Variants in RAPGEF4 observed in about 807,000 individuals in gnomAD.
RAPGEF4 encodes the protein Rap guanine nucleotide exchange factor 4.
In RAPGEF4, 66 loss-of-function variants were observed where a neutral mutation model predicts 147.9. The ratio of observed to expected loss-of-function variants is 0.45; its 90% CI spans 0.37 to 0.55. The LOEUF (loss-of-function observed/expected upper bound fraction) is 0.55, where lower values mean the gene tolerates loss of function less well. Ranked by LOEUF, RAPGEF4 falls within the 20% of genes least tolerant of loss-of-function variation. The probability of loss-of-function intolerance (pLI) is 0.00; values close to 1 mark genes in which losing one functional copy is unlikely to be tolerated. For missense variants in RAPGEF4, 1,071 were observed against 1,257.3 expected (o/e 0.85, Z 2.24); for synonymous variants, 419 against 442.7 (o/e 0.95, Z 0.67).
chr2:172,830,034 G>C (rs1690122115), intron 4 of RAPGEF4, among the ~76,000 whole-genome samples: 1 of 151,868 alleles, frequency 6.6e-6, no homozygotes, highest in Non-Finnish European at 1.5e-5. Context: ...CATATTATCA[G>C]CTTTCATTCT....
intron 8 of RAPGEF4, among the ~76,000 whole-genome samples, chr2:172,964,556 A>T (rs1689636774): frequency 6.6e-6 from 1 of 152,044 alleles, no homozygotes; most frequent in African/African-American, 2.4e-5. Context: ...CAGAACCATG[A>T]GTCTCCTCCA....
At chr2:172,900,120 A>G (rs1342119895) in intron 4 of RAPGEF4, among the ~76,000 whole-genome samples, 2 of 152,248 alleles carry the variant, frequency 1.3e-5, no homozygotes, top group East Asian at 3.8e-4. Flanking sequence ...AGAATGGAGG[A>G]CAGCAGAGCC....
intron 10 of RAPGEF4, among the ~76,000 whole-genome samples, chr2:172,974,882 T>A (rs769988376): frequency 1.1e-3 from 166 of 152,316 alleles, no homozygotes; most frequent in Non-Finnish European, 1.6e-3. Context: ...CTGGAACCTA[T>A]AATTCTTTTA....
chr2:173,047,898 G>A (rs748389574), intron 29 of RAPGEF4, among the ~76,000 whole-genome samples: 2 of 151,982 alleles, frequency 1.3e-5, no homozygotes, highest in Admixed American at 6.5e-5. Flanking sequence ...GGATGGTCTC[G>A]ATCTCCTGAC....
In RAPGEF4 at chr2:172,918,371, C is replaced by CCACACACACACACA. The variant is rs377074360; in HGVS notation, c.517+524_517+537dup. ...CCTTTGTGAACTTTAGATGCTCTTA[C>CCACACACACACACA]CACACACACACACACACACACACAC... On this transcript the variant is annotated intron_variant, in intron 5 of 30. Transcript: ENST00000397081. 6.3e-3 allele frequency among the ~76,000 whole-genome samples: 865 copies of CCACACACACACACA among 137,694 alleles called. 12 individuals carry two copies. Among genetic ancestry groups the CCACACACACACACA allele is most frequent in the East Asian group, 0.023 (103 of 4,514 alleles). 90.3% of individuals were successfully genotyped at this position (137,694 alleles called of 152,430 possible).
chr2:173,012,080 T>C (rs1695082749), intron 17 of RAPGEF4, among the ~76,000 whole-genome samples: 1 of 152,238 alleles, frequency 6.6e-6, no homozygotes, highest in Non-Finnish European at 1.5e-5. Flanking sequence ...AGTGTGACAT[T>C]CTTTTAAATT....
rs1051124577 is a variant in RAPGEF4, at chr2:173,042,405, G to A, written c.2853+5713G>A. Among the ~76,000 whole-genome samples, 13 of 152,096 alleles carry A rather than the reference G, an allele frequency of 8.5e-5. No individual in the cohort carries two copies. Among genetic ancestry groups the A allele is most frequent in the African/African-American group, 2.9e-4 (12 of 41,430 alleles). On this transcript the variant is annotated intron_variant, in intron 29 of 30. Transcript: ENST00000397081. This position sits in a 1 kb window ranked among gnomAD's most constrained non-coding sequence, Gnocchi z 4.2. ...TCCCAGCACTTTGGGAGACTGAGGC[G>A]GGTGGATCATGGGGTCAGGAGTTCA...
intron 6 of RAPGEF4, among the ~76,000 whole-genome samples, chr2:172,954,762 A>G (rs933762541): frequency 3.3e-5 from 5 of 152,212 alleles, no homozygotes; most frequent in Non-Finnish European, 5.9e-5. Flanking sequence ...CATTTTCACT[A>G]AAAAACTGAA....
At chr2:172,947,459 G>T (rs765717937) in intron 6 of RAPGEF4, among the ~76,000 whole-genome samples, 2 of 152,182 alleles carry the variant, frequency 1.3e-5, no homozygotes, top group Non-Finnish European at 2.9e-5. Context: ...AATGCTGCAT[G>T]CTCTGCTAGG....
At chr2:172,949,338 C>G (rs897184060) in intron 6 of RAPGEF4, among the ~76,000 whole-genome samples, 10 of 152,144 alleles carry the variant, frequency 6.6e-5, no homozygotes, top group Non-Finnish European at 1.5e-4. Flanking sequence ...ATATCAATAA[C>G]TGTGGTATAA....
chr2:172,784,249 T>G (rs992279667), intron 1 of RAPGEF4, among the ~76,000 whole-genome samples: 1 of 152,236 alleles, frequency 6.6e-6, no homozygotes, highest in Non-Finnish European at 1.5e-5. Context: ...CCTGGAGCGG[T>G]GGCTCACGCC....
intron 20 of RAPGEF4, 24 bp from the exon 21 acceptor site, chr2:173,017,402 C>A (rs376623566): frequency 8.4e-5 from 135 of 1,606,066 alleles, no homozygotes; most frequent in Non-Finnish European, 1.0e-4. Context: ...TCCCTTATGG[C>A]ACTTGCTGTG....
At chr2:172,924,684 C>G (rs896587274) in intron 6 of RAPGEF4, among the ~76,000 whole-genome samples, 7 of 152,186 alleles carry the variant, frequency 4.6e-5, no homozygotes, top group Non-Finnish European at 8.8e-5. Context: ...AGCTTAAGAG[C>G]CTTAAAGTGG....
chr2:172,773,646 C>CT (rs1683863178), intron 1 of RAPGEF4, among the ~76,000 whole-genome samples: 1 of 151,492 alleles, frequency 6.6e-6, no homozygotes, highest in South Asian at 2.1e-4. Context: ...CCCACACTGC[C>CT]CCCCCCGCGG....
chr2:172,884,814 G>A (rs183244972), intron 4 of RAPGEF4, among the ~76,000 whole-genome samples: 67 of 152,340 alleles, frequency 4.4e-4, no homozygotes, highest in Admixed American at 9.1e-4. Context: ...CAGTTTAGCA[G>A]AGTTTTGTCT....
At chr2:172,766,372 C>T (rs1269333723) in intron 1 of RAPGEF4, among the ~76,000 whole-genome samples, 2 of 151,998 alleles carry the variant, frequency 1.3e-5, no homozygotes, top group African/African-American at 4.8e-5. Flanking sequence ...GCCAATACAG[C>T]GAAACCCCGT....
At chr2:172,906,799 A>C (rs16861022) in intron 4 of RAPGEF4, among the ~76,000 whole-genome samples, 2,379 of 150,680 alleles carry the variant, frequency 0.016, 69 homozygotes, top group African/African-American at 0.057. Flanking sequence ...TTCACTTGTC[A>C]GATGGCTCAG....
At position 172,773,057 on chromosome 2, in the gene RAPGEF4, A is replaced by C. The variant is rs190930862; in HGVS notation, c.66-21968A>C. Among the ~76,000 whole-genome samples the C allele has an allele frequency of 9.2e-5, 14 of 152,316 alleles. No individual in the cohort carries two copies. In the East Asian group the frequency reaches 2.7e-3, roughly 29 times the overall value. ...ATTAACTAATCTTGGCCCACCCAGA[A>C]ATGCAGTGCCACTTTTTGTACATTT... On this transcript the variant is annotated intron_variant, in intron 1 of 30. Transcript: ENST00000397081.
rs1686539556 is a variant in RAPGEF4 at position 172,936,171 on chromosome 2, C to T, written c.537+13871C>T. ...GTTGCCTGAGCTCAGGAGTTCAAGACCAGCCTGGGCAACACAGTGAAATCT... is the reference window on the plus strand; with the variant it reads ...GTTGCCTGAGCTCAGGAGTTCAAGATCAGCCTGGGCAACACAGTGAAATCT... On this transcript the variant is annotated intron_variant, in intron 6 of 30. Transcript: ENST00000397081. 2.0e-5 allele frequency among the ~76,000 whole-genome samples: 3 copies of T among 152,264 alleles called. No homozygotes were observed. In the South Asian group the frequency reaches 6.2e-4, roughly 32 times the overall value.
Sources: allele counts gnomAD v4.1 joint callset (sites outside exome capture counted in the v4.1 genomes callset), GRCh38; gene constraint gnomAD v4.1.1; non-coding constraint Gnocchi (gnomAD v3.1); transcripts MANE v1.5; gene names NCBI Gene and HGNC (gene_info 2026-07-23, HGNC 2026-07-21).